PPM1E: variants seen among roughly 807,000 people sequenced by gnomAD.
PPM1E encodes protein phosphatase, Mg2+/Mn2+ dependent 1E, also known as protein phosphatase 1E.
A neutral mutation model predicts 65.9 loss-of-function variants in PPM1E; 20 were observed. The ratio of observed to expected loss-of-function variants is 0.30; its 90% CI spans 0.21 to 0.44. PPM1E has a LOEUF of 0.44. Ranked by LOEUF, PPM1E falls within the 20% of genes least tolerant of loss-of-function variation. The pLI, the probability that PPM1E is intolerant of heterozygous loss-of-function variation, is 1.00. For missense variants in PPM1E, 713 were observed against 953.1 expected (o/e 0.75, Z 3.32); for synonymous variants, 352 against 374.9 (o/e 0.94, Z 0.70).
At chr17:58,889,502 G>A (rs2051319922) in intron 1 of PPM1E, among the ~76,000 whole-genome samples, 1 of 152,184 alleles carries the variant, frequency 6.6e-6, no homozygotes, top group Non-Finnish European at 1.5e-5. Flanking sequence ...GGGAGGGTGA[G>A]GCAGGAGAAT....
intron 1 of PPM1E, among the ~76,000 whole-genome samples, chr17:58,830,409 G>A (rs1225797150): frequency 6.6e-6 from 1 of 151,622 alleles, no homozygotes; most frequent in Non-Finnish European, 1.5e-5. Flanking sequence ...CCAGGTTCAC[G>A]CCATTCTCCT....
chr17:58,827,268 GC>G (rs34504967), intron 1 of PPM1E, among the ~76,000 whole-genome samples: 27,929 of 151,302 alleles, frequency 0.18, 2,741 homozygotes, highest in Non-Finnish European at 0.21. Flanking sequence ...CTCCCAAGTA[GC>G]TGTGATTATA....
At chr17:58,837,519 A>G (rs1179137532) in intron 1 of PPM1E, among the ~76,000 whole-genome samples, 3 of 146,446 alleles carry the variant, frequency 2.0e-5, no homozygotes, top group African/African-American at 5.0e-5. Flanking sequence ...TTTTTTTAAG[A>G]CAGAGTCTCA....
chr17:58,884,993 A>T (rs112881700), intron 1 of PPM1E, among the ~76,000 whole-genome samples: 1 of 151,706 alleles, frequency 6.6e-6, no homozygotes, highest in African/African-American at 2.4e-5. Flanking sequence ...TTTTCATCTC[A>T]TGTGTAGTTA....
chr17:58,925,058 A>C (rs1473467239), intron 1 of PPM1E, among the ~76,000 whole-genome samples: 1 of 152,108 alleles, frequency 6.6e-6, no homozygotes, highest in Non-Finnish European at 1.5e-5. Flanking sequence ...GTGTCTTTAT[A>C]ATAGAATTAT....
At chr17:58,757,449 G>A (rs531634076) in intron 1 of PPM1E, among the ~76,000 whole-genome samples, 1 of 152,308 alleles carries the variant, frequency 6.6e-6, no homozygotes, top group Non-Finnish European at 1.5e-5. Flanking sequence ...TAATGACAGA[G>A]GAGAATACTA....
chr17:58,796,314 G>A (rs1054203741), intron 1 of PPM1E, among the ~76,000 whole-genome samples: 1 of 152,158 alleles, frequency 6.6e-6, no homozygotes, highest in South Asian at 2.1e-4. Flanking sequence ...CAAAGTGCTA[G>A]GATTATAGGT....
chr17:58,772,114 T>C (rs2144176794), intron 1 of PPM1E, among the ~76,000 whole-genome samples: 1 of 152,286 alleles, frequency 6.6e-6, no homozygotes, highest in South Asian at 2.1e-4. Context: ...TGTGTCTGAC[T>C]CCAAAGCTTG....
At chr17:58,917,298 T>G (rs1183359403) in intron 1 of PPM1E, among the ~76,000 whole-genome samples, 1 of 152,198 alleles carries the variant, frequency 6.6e-6, no homozygotes, top group Non-Finnish European at 1.5e-5. Flanking sequence ...GTTTTTTGTT[T>G]TGGTGAGGCC....
intron 1 of PPM1E, among the ~76,000 whole-genome samples, chr17:58,859,321 A>G (rs2050914812): frequency 6.6e-6 from 1 of 152,230 alleles, no homozygotes; most frequent in South Asian, 2.1e-4. Context: ...TGCATGCTAC[A>G]TGACTCAGGC....
At chr17:58,902,824 A>G (rs1392791874) in intron 1 of PPM1E, among the ~76,000 whole-genome samples, 1 of 152,212 alleles carries the variant, frequency 6.6e-6, no homozygotes, top group Admixed American at 6.5e-5. Context: ...TATTTATTAA[A>G]GTATATTAGA....
At chr17:58,864,088 G>A (rs2143313409) in intron 1 of PPM1E, among the ~76,000 whole-genome samples, 1 of 151,376 alleles carries the variant, frequency 6.6e-6, no homozygotes, top group Non-Finnish European at 1.5e-5. Flanking sequence ...CATATCAACA[G>A]GAGGATCACT....
chr17:58,866,040 A>G (rs1209652415), intron 1 of PPM1E, among the ~76,000 whole-genome samples: 1 of 152,198 alleles, frequency 6.6e-6, no homozygotes, highest in Non-Finnish European at 1.5e-5. Flanking sequence ...TGTGGTTTAG[A>G]TGCAGAGAGG....
chr17:58,875,809 A>G (rs1240581414), intron 1 of PPM1E, among the ~76,000 whole-genome samples: 1 of 152,114 alleles, frequency 6.6e-6, no homozygotes, highest in African/African-American at 2.4e-5. Flanking sequence ...GGAAAGGGGG[A>G]AAACACAGCT....
At chr17:58,906,887 T>C (rs2051564737) in intron 1 of PPM1E, among the ~76,000 whole-genome samples, 1 of 152,192 alleles carries the variant, frequency 6.6e-6, no homozygotes, top group African/African-American at 2.4e-5. Context: ...TTTCATTTAG[T>C]TCAAAATATT....
In PPM1E at chr17:58,982,877, T is replaced by C; in HGVS notation, c.*1846T>C. 1 of 1,564,236 alleles carries C rather than the reference T, an allele frequency of 6.4e-7. No homozygotes were observed. Among genetic ancestry groups the C allele is most frequent in the Non-Finnish European group, 8.7e-7 (1 of 1,151,070 alleles). ...TATCTGTCACCTTCTGAAGCCTAGA[T>C]CTTGTTAACCCATCAGGTGCAGTGT... On this transcript the variant is annotated 3_prime_UTR_variant, in exon 7 of 7. Coordinates refer to ENST00000308249, the MANE Select transcript of PPM1E (RefSeq NM_014906.5).
chr17:58,949,751 T>C (rs1465868540), intron 1 of PPM1E, among the ~76,000 whole-genome samples: 1 of 152,208 alleles, frequency 6.6e-6, no homozygotes, highest in Non-Finnish European at 1.5e-5. Context: ...ATCTTTTTAT[T>C]TCCAGATGTA....
At chr17:58,955,292 G>A (rs1301993336) in intron 1 of PPM1E, among the ~76,000 whole-genome samples, 2 of 152,198 alleles carry the variant, frequency 1.3e-5, no homozygotes, top group Admixed American at 1.3e-4. Flanking sequence ...TTGAACCCGG[G>A]AGGCAGAGGT....
chr17:58,827,916 ATAAT>A (rs2050558712), intron 1 of PPM1E, among the ~76,000 whole-genome samples: 4 of 145,996 alleles, frequency 2.7e-5, no homozygotes, highest in African/African-American at 5.1e-5. Context: ...AAAAAAAATA[ATAAT>A]AATAATAATA....
Sources: gnomAD v4.1 joint callset for allele counts (sites outside exome capture counted in the v4.1 genomes callset) on GRCh38, gnomAD v4.1.1 for gene constraint, MANE v1.5 for transcripts, NCBI Gene and HGNC (gene_info 2026-07-23, HGNC 2026-07-21) for gene names.